Variants in TNKS1BP1 observed in about 807,000 individuals in gnomAD.
The protein encoded by TNKS1BP1 is CCR4-NOT transcription complex subunit 12, also known as 182 kDa tankyrase-1-binding protein.
In TNKS1BP1, 48 loss-of-function variants were observed where a neutral mutation model predicts 141.1. The ratio of observed to expected loss-of-function variants is 0.34; its 90% CI spans 0.27 to 0.43. The LOEUF is 0.43. TNKS1BP1 is among the 20% of genes least tolerant of loss of function. The pLI is 1.00. For missense variants in TNKS1BP1, 2,149 were observed against 2,226.0 expected (o/e 0.97, Z 0.70); for synonymous variants, 875 against 898.2 (o/e 0.97, Z 0.46).
chr11:57,306,285 C>CAAAAA (rs1554961714), intron 6 of TNKS1BP1, among the ~76,000 whole-genome samples: 38,905 of 122,016 alleles, frequency 0.32, 9,157 homozygotes, highest in African/African-American at 0.67. Context: ...GACTCCGTTT[C>CAAAAA]AAAAAAAAAA....
Position 57,308,891 on chromosome 11 carries a change from G to A in TNKS1BP1, c.3820C>T (p.Arg1274Cys), listed in dbSNP as rs774159470. 9.3e-6 allele frequency: 15 copies of A among 1,613,594 alleles called. No homozygotes were observed. Among genetic ancestry groups the A allele is most frequent in the Middle Eastern group, 3.3e-4 (2 of 6,084 alleles). ...GTCCAGTCTGCCTGTCCAACTCCAC[G>A]CTCCCTTGATTTAAGGAACTCTCCG... ...EAGEFLKSRE[R>C]GVGQADWTPD... The change falls in exon 6 of 12, where the codon CGT (arginine) becomes TGT (cysteine). Residue 1274 changes from arginine to cysteine, a missense_variant. Coordinates refer to ENST00000358252, the MANE Select transcript of TNKS1BP1 (RefSeq NM_033396.3).
Position 57,324,820 on chromosome 11 carries a change from G to C in TNKS1BP1, c.-66+20C>G, listed in dbSNP as rs1328411141. ...CCGGACCCCGCCCCCTCCTTCGCCC[G>C]ACCGCCCCCGCGCACTCACGCGCTC... On this transcript the variant is annotated intron_variant, in intron 1 of 11. Coordinates refer to ENST00000358252, the MANE Select transcript of TNKS1BP1 (RefSeq NM_033396.3). 1.0e-6 allele frequency: 1 copy of C among 972,224 alleles called. No individual in the cohort carries two copies. The highest frequency in any genetic ancestry group is 1.2e-6 in the Non-Finnish European group (1 of 825,204). 60.2% of individuals were successfully genotyped at this position (972,224 alleles called of 1,614,324 possible).
Position 57,302,538 on chromosome 11 carries a change from T to C in TNKS1BP1, c.4604A>G (p.Gln1535Arg). ...WGSSAARWSD[Q>R]GPAQTSRRPS... ...TCGCCGAGAAGTCTGTGCTGGCCCC[T>C]GATCGCTCCACCTGGCTGCTGAAGA... The change falls in exon 7 of 12, where the codon CAG (glutamine) becomes CGG (arginine). Residue 1535 changes from glutamine (Q) to arginine (R), a missense_variant. Physicochemically the swap from Gln to Arg is conservative, Grantham distance 43 (BLOSUM62 1). Coordinates refer to ENST00000358252, the MANE Select transcript of TNKS1BP1 (RefSeq NM_033396.3). The surrounding 1 kb of genome is among the most constrained non-coding windows in gnomAD (Gnocchi z 5.5). 2 of 1,613,130 alleles carry C rather than the reference T, an allele frequency of 1.2e-6. No individual in the cohort carries two copies. Among genetic ancestry groups the C allele is most frequent in the Non-Finnish European group, 1.7e-6 (2 of 1,179,786 alleles).
intron 2 of TNKS1BP1, 134 bp from the exon 3 acceptor site, chr11:57,320,846 C>T (rs1480922269): frequency 9.5e-7 from 1 of 1,048,264 alleles, no homozygotes; most frequent in Non-Finnish European, 1.3e-6. Flanking sequence ...AAGTCATATG[C>T]CACCTCTTCC....
At chr11:57,321,246 C>T (rs946032799) in intron 2 of TNKS1BP1, among the ~76,000 whole-genome samples, 2 of 152,056 alleles carry the variant, frequency 1.3e-5, no homozygotes, top group Non-Finnish European at 2.9e-5. Flanking sequence ...TCCCCACTGT[C>T]ATCTGGTGTG....
intron 1 of TNKS1BP1, 77 bp downstream of exon 1, chr11:57,324,763 C>G (rs988177877): frequency 1.6e-5 from 16 of 981,688 alleles, no homozygotes; most frequent in Non-Finnish European, 1.9e-5. Flanking sequence ...TGGAAAGCAC[C>G]CACTCCTTCC....
intron 6 of TNKS1BP1, among the ~76,000 whole-genome samples, chr11:57,306,245 T>G (rs151200605): frequency 6.7e-6 from 1 of 149,162 alleles, no homozygotes; most frequent in Non-Finnish European, 1.5e-5. Context: ...ACCACTGCAC[T>G]TCAGGCTGGG....
Position 57,320,233 on chromosome 11 carries a change from C to T in TNKS1BP1, c.574G>A (p.Asp192Asn), listed in dbSNP as rs1177687155. The T allele has an allele frequency of 5.0e-6, 8 of 1,614,062 alleles. No homozygotes were observed. Among genetic ancestry groups the T allele is most frequent in the Admixed American group, 3.3e-5 (2 of 60,000 alleles). ...CTGGGGCCATATCGCGAGCTGCCATCGTGGTTAAAGGTGAGGCGGGAACCC... is the reference window on the plus strand; with the variant it reads ...CTGGGGCCATATCGCGAGCTGCCATTGTGGTTAAAGGTGAGGCGGGAACCC... ...LWGSRLTFNH[D>N]GSSRYGPRTY... Residue 192 changes from aspartate (D) to asparagine (N), a missense_variant, in exon 3 of 12, where the codon GAT becomes AAT. Asp to Asn is a conservative substitution (Grantham distance 23, BLOSUM62 1). Transcript: ENST00000358252.
Position 57,301,799 on chromosome 11 carries a change from G to A in TNKS1BP1, c.4971+8C>T, listed in dbSNP as rs184100518. 6.2e-7 allele frequency: 1 copy of A among 1,609,916 alleles called. No individual in the cohort carries two copies. The highest frequency in any genetic ancestry group is 2.2e-5 in the East Asian group (1 of 44,732). ...GCTGGACATGTTTGCTTAATGATCA[G>A]ATGGTACCTTCAGGGCTGAGGGGCT... is the stretch of plus-strand genomic sequence containing the variant. On this transcript the variant is annotated splice_region_variant and intron_variant, in intron 9 of 11. Transcript: ENST00000358252.
chr11:57,310,350 G>C lies in TNKS1BP1; in HGVS notation c.2361C>G (p.Thr787=). 1.2e-6 allele frequency: 2 copies of C among 1,614,048 alleles called. No individual in the cohort carries two copies. The highest frequency in any genetic ancestry group is 1.7e-6 in the Non-Finnish European group (2 of 1,180,030). Residue 787 remains threonine (T), a synonymous_variant, in exon 6 of 12, where the codon ACC becomes ACG. Transcript: ENST00000358252. ...KYGQGAGEGS[T]REWASRCGIG... ...TGCCACACCTGCTGGCCCACTCCCT[G>C]GTGCTCCCTTCCCCTGCTCCTTGCC...
At chr11:57,322,729 AC>A (rs1855907043) in intron 1 of TNKS1BP1, among the ~76,000 whole-genome samples, 1 of 152,112 alleles carries the variant, frequency 6.6e-6, no homozygotes, top group Non-Finnish European at 1.5e-5. Context: ...GGCTGGGAGA[AC>A]GGGACAGGGC....
At chr11:57,321,567 C>T (rs1402376931) in intron 2 of TNKS1BP1, among the ~76,000 whole-genome samples, 1 of 152,188 alleles carries the variant, frequency 6.6e-6, no homozygotes, top group African/African-American at 2.4e-5. Flanking sequence ...TCTCAAAGGT[C>T]CCTGTCTGCT....
chr11:57,319,854 T>G (rs1855854913), intron 3 of TNKS1BP1, among the ~76,000 whole-genome samples: 1 of 152,076 alleles, frequency 6.6e-6, no homozygotes, highest in African/African-American at 2.4e-5. Context: ...ATCAACTCTG[T>G]AAAGAAAACT....
chr11:57,320,027 AC>A, intron 3 of TNKS1BP1, 51 bp downstream of exon 3: 2 of 578,360 alleles, frequency 3.5e-6, no homozygotes, highest in Non-Finnish European at 2.8e-6. Flanking sequence ...ACCCAATCCC[AC>A]CCCACCTGAC....
Position 57,321,857 on chromosome 11 carries a change from G to A in TNKS1BP1, c.29C>T (p.Ser10Leu), listed in dbSNP as rs1465129261. 3.1e-6 allele frequency: 5 copies of A among 1,614,018 alleles called. No homozygotes were observed. Among genetic ancestry groups the A allele is most frequent in the Non-Finnish European group, 3.4e-6 (4 of 1,180,040 alleles). Residue 10 changes from serine (S) to leucine (L), a missense_variant, in exon 2 of 12, where the codon TCA becomes TTA. Coordinates refer to ENST00000358252, the MANE Select transcript of TNKS1BP1 (RefSeq NM_033396.3). MKVSTLRES[S>L]AMASPLPREM... Reference sequence around the variant, plus strand: ...CCGGGGCAGTGGGGAAGCCATGGCTGAGCTTTCCCTGAGAGTAGACACTTT... The same window carrying A: ...CCGGGGCAGTGGGGAAGCCATGGCTAAGCTTTCCCTGAGAGTAGACACTTT...
At chr11:57,323,911 A>C (rs1321547113) in intron 1 of TNKS1BP1, among the ~76,000 whole-genome samples, 1 of 152,170 alleles carries the variant, frequency 6.6e-6, no homozygotes, top group Non-Finnish European at 1.5e-5. Context: ...GGCTGCAGCA[A>C]TGAAGGCGGG....
At position 57,309,946 on chromosome 11, in the gene TNKS1BP1, T is replaced by C; in HGVS notation, c.2765A>G (p.Asp922Gly). The C allele has an allele frequency of 6.2e-7, 1 of 1,614,226 alleles. No homozygotes were observed. The highest frequency in any genetic ancestry group is 8.5e-7 in the Non-Finnish European group (1 of 1,180,044). Residue 922 changes from aspartate (D) to glycine (G), a missense_variant, in exon 6 of 12, where the codon GAT becomes GGT. Asp to Gly is a moderately conservative substitution (Grantham distance 94, BLOSUM62 -1). Coordinates refer to ENST00000358252, the MANE Select transcript of TNKS1BP1 (RefSeq NM_033396.3). The surrounding 1 kb of genome is among the most constrained non-coding windows in gnomAD (Gnocchi z 4.3). ...AAACTCCCAGTCCTGCTCATCGGCA[T>C]CCTGGCTGCTGTACCTACCATGGTG... The part of the protein sequence containing the change: ...RDHHGRYSSQ[D>G]ADEQDWEFQK...
chr11:57,318,750 C>T (rs556738402), intron 3 of TNKS1BP1, among the ~76,000 whole-genome samples: 3 of 152,232 alleles, frequency 2.0e-5, no homozygotes, highest in African/African-American at 7.2e-5. Context: ...TCCTGGCCAG[C>T]CTTGCTTTAC....
intron 6 of TNKS1BP1, chr11:57,303,061 GA>G: frequency 2.2e-6 from 1 of 454,714 alleles, no homozygotes; most frequent in Non-Finnish European, 3.8e-6. Context: ...CCCTCCCCTG[GA>G]AACAGCTCAG....
Sources: gnomAD v4.1 joint callset for allele counts (sites outside exome capture counted in the v4.1 genomes callset) on GRCh38, gnomAD v4.1.1 for gene constraint, Gnocchi (gnomAD v3.1) non-coding constraint, MANE v1.5 for transcripts, NCBI Gene and HGNC (gene_info 2026-07-23, HGNC 2026-07-21) for gene names.